Variants in TMEM71 observed in about 807,000 individuals in gnomAD.
TMEM71 encodes transmembrane protein 71.
In TMEM71, 44 loss-of-function variants were observed where a neutral mutation model predicts 38.0. The ratio of observed to expected loss-of-function variants is 1.16; its 90% CI spans 0.91 to 1.49. TMEM71 has a LOEUF of 1.49. TMEM71 is among the 40% of genes most tolerant of loss of function. TMEM71 has a pLI of 0.00. For missense variants in TMEM71, 367 were observed against 348.6 expected (o/e 1.05, Z -0.42); for synonymous variants, 133 against 122.5 (o/e 1.09, Z -0.56).
chr8:132,738,678 A>G (rs1827874300), intron 5 of TMEM71, among the ~76,000 whole-genome samples: 1 of 152,156 alleles, frequency 6.6e-6, no homozygotes, highest in Non-Finnish European at 1.5e-5. Flanking sequence ...TCTACAATTA[A>G]TATTTCTGGC....
At chr8:132,706,246 G>A (rs921203749), downstream of TMEM71, among the ~76,000 whole-genome samples, 1 of 152,160 alleles carries the variant, frequency 6.6e-6, no homozygotes, top group African/African-American at 2.4e-5. Context: ...AGCTATGACA[G>A]TGGGTGAGTG....
chr8:132,707,237 C>G (rs907797772), downstream of TMEM71, among the ~76,000 whole-genome samples: 1 of 152,084 alleles, frequency 6.6e-6, no homozygotes, highest in Non-Finnish European at 1.5e-5. Context: ...AACTATAAAG[C>G]AAGATGCAGA....
At chr8:132,714,921 A>G (rs1236790301) in intron 7 of TMEM71, among the ~76,000 whole-genome samples, 1 of 152,092 alleles carries the variant, frequency 6.6e-6, no homozygotes, top group Non-Finnish European at 1.5e-5. Context: ...CAGACACTTC[A>G]CCAAAGAATA....
At chr8:132,773,664 G>C in the TMEM71 span, among the ~76,000 whole-genome samples, 1 of 152,130 alleles carries the variant, frequency 6.6e-6, no homozygotes, top group African/African-American at 2.4e-5. Context: ...CACAGATGTG[G>C]GAGAAAAGTT....
intron 5 of TMEM71, among the ~76,000 whole-genome samples, chr8:132,728,581 A>G (rs984580411): frequency 7.2e-5 from 11 of 152,244 alleles, no homozygotes; most frequent in African/African-American, 2.4e-4. Flanking sequence ...AAGGTTGAAG[A>G]GAAATATCTT....
intron 5 of TMEM71, among the ~76,000 whole-genome samples, chr8:132,734,733 C>T (rs1827650809): frequency 6.6e-6 from 1 of 152,154 alleles, no homozygotes; most frequent in Non-Finnish European, 1.5e-5. Context: ...AGTGAATTTT[C>T]TTCTCCAAAC....
intron 5 of TMEM71, among the ~76,000 whole-genome samples, chr8:132,741,479 T>C (rs1828033339): frequency 6.6e-6 from 1 of 152,182 alleles, no homozygotes; most frequent in African/African-American, 2.4e-5. Context: ...GGCTGTGCTG[T>C]TATTTATTGG....
At chr8:132,773,334 G>T in the TMEM71 span, among the ~76,000 whole-genome samples, 1 of 152,150 alleles carries the variant, frequency 6.6e-6, no homozygotes, top group Non-Finnish European at 1.5e-5. Context: ...TGAAGCTAGG[G>T]ATCATTTACA....
upstream of TMEM71, among the ~76,000 whole-genome samples, chr8:132,761,238 C>A (rs77663667): frequency 1.3e-5 from 2 of 151,646 alleles, no homozygotes; most frequent in Non-Finnish European, 2.9e-5. Context: ...GGAAAGAGTG[C>A]GGATTCTGGG....
upstream of TMEM71, among the ~76,000 whole-genome samples, chr8:132,761,765 T>A (rs1829301117): frequency 1.3e-5 from 2 of 152,246 alleles, no homozygotes; most frequent in South Asian, 4.1e-4. Flanking sequence ...CTTGTTGGAC[T>A]CTATTACTTT....
At chr8:132,712,431 C>A (rs147596163) in intron 9 of TMEM71, among the ~76,000 whole-genome samples, 17 of 152,258 alleles carry the variant, frequency 1.1e-4, no homozygotes, top group South Asian at 4.1e-4. Flanking sequence ...ATAACCCCTG[C>A]AGATCGGATA....
chr8:132,755,883 G>C (rs1462769321), intron 3 of TMEM71, among the ~76,000 whole-genome samples: 2 of 152,060 alleles, frequency 1.3e-5, no homozygotes, highest in Admixed American at 6.5e-5. Context: ...AGGAAAAAAT[G>C]ATTTACAAAA....
chr8:132,753,221 C>T (rs1182100191), intron 3 of TMEM71, among the ~76,000 whole-genome samples: 2 of 151,936 alleles, frequency 1.3e-5, no homozygotes, highest in African/African-American at 2.4e-5. Context: ...AAACTCAATG[C>T]CAGTTACTGA....
At chr8:132,772,823 G>T in the TMEM71 span, among the ~76,000 whole-genome samples, 2 of 152,108 alleles carry the variant, frequency 1.3e-5, no homozygotes, top group African/African-American at 4.8e-5. Context: ...TCTAAATTTA[G>T]ATTTCCCTAA....
chr8:132,714,799 T>G (rs1350560284), intron 7 of TMEM71, among the ~76,000 whole-genome samples: 2 of 152,198 alleles, frequency 1.3e-5, no homozygotes, highest in African/African-American at 4.8e-5. Context: ...AGAAAATATT[T>G]GCAAATTATG....
chr8:132,739,471 C>T (rs764142121), intron 5 of TMEM71, among the ~76,000 whole-genome samples: 14 of 152,082 alleles, frequency 9.2e-5, no homozygotes, highest in Non-Finnish European at 1.5e-4. Flanking sequence ...GCCACCATGC[C>T]CATCTAATTT....
chr8:132,773,635 A>G, the TMEM71 span, among the ~76,000 whole-genome samples: 53,101 of 152,116 alleles, frequency 0.35, 9,979 homozygotes, highest in Non-Finnish European at 0.43. Context: ...ACCATCAGAA[A>G]CTTGAATACT....
chr8:132,767,831 G>A, the TMEM71 span, among the ~76,000 whole-genome samples: 1 of 152,142 alleles, frequency 6.6e-6, no homozygotes, highest in Non-Finnish European at 1.5e-5. Context: ...CTGTTGCTTA[G>A]GCATCTGTCC....
chr8:132,741,550 C>T (rs1828037831), intron 5 of TMEM71, among the ~76,000 whole-genome samples: 2 of 146,468 alleles, frequency 1.4e-5, no homozygotes, highest in South Asian at 2.2e-4. Context: ...GGTAAGGTCA[C>T]GTGGGTCACG....
Sources: gnomAD v4.1 joint callset for allele counts (sites outside exome capture counted in the v4.1 genomes callset) on GRCh38, gnomAD v4.1.1 for gene constraint, MANE v1.5 for transcripts, NCBI Gene and HGNC (gene_info 2026-07-23, HGNC 2026-07-21) for gene names.